ITGA5: variants seen among roughly 807,000 people sequenced by gnomAD.
The protein encoded by ITGA5 is integrin subunit alpha 5, also known as integrin alpha-5.
A neutral mutation model predicts 146.3 loss-of-function variants in ITGA5; 55 were observed. That is an observed-to-expected ratio of 0.38 (90% CI 0.30 to 0.47). ITGA5 has a LOEUF of 0.47. ITGA5 is among the 20% of genes least tolerant of loss of function. The probability of loss-of-function intolerance (pLI) is 0.99; values close to 1 mark genes in which losing one functional copy is unlikely to be tolerated. For synonymous variants in ITGA5, 500 were observed against 531.8 expected (o/e 0.94, Z 0.82); for missense variants, 1,131 against 1,329.0 (o/e 0.85, Z 2.32).
Position 54,405,910 on chromosome 12 carries a change from C to A in ITGA5, c.923G>T (p.Gly308Val). 2 of 1,613,942 alleles carry A rather than the reference C, an allele frequency of 1.2e-6. No homozygotes were observed. The highest frequency in any genetic ancestry group is 8.5e-7 in the Non-Finnish European group (1 of 1,179,904). ...GTTGTAGAGGGATCGAATGTCTGAG[C>A]CATTAAGGATGGTGACCTGGGAGAT... ...LTYGYVTILN[G>V]SDIRSLYNFS... The change falls in exon 10 of 30, where the codon GGC becomes GTC. Residue 308 changes from glycine to valine, a missense_variant. Physicochemically the swap from Gly to Val is moderately radical, Grantham distance 109 (BLOSUM62 -3). Transcript: ENST00000293379.
intron 1 of ITGA5, among the ~76,000 whole-genome samples, chr12:54,418,418 G>C (rs1386798125): frequency 6.6e-6 from 1 of 152,056 alleles, no homozygotes; most frequent in African/African-American, 2.4e-5. Flanking sequence ...GTCTTTCCCC[G>C]GTCTGAGTTG....
Position 54,408,792 on chromosome 12 carries a change from C to G in ITGA5, c.655G>C (p.Val219Leu). 1 of 1,612,184 alleles carries G rather than the reference C, an allele frequency of 6.2e-7. No individual in the cohort carries two copies. The highest frequency in any genetic ancestry group is 8.5e-7 in the Non-Finnish European group (1 of 1,179,202). ...TAGCTTCCTGGTCCACCTAAAACCA[C>G]ACGGCCAGTCTGTGGGTGAAAGGAG... ...FSAEFTKTGRVVLGGPGSYFW... is the reference protein window; with the variant it reads ...FSAEFTKTGRLVLGGPGSYFW... Residue 219 changes from valine (V) to leucine (L), a missense_variant, in exon 6 of 30, where the codon GTG (valine) becomes CTG (leucine). Val to Leu is a conservative substitution (Grantham distance 32, BLOSUM62 1). Transcript: ENST00000293379.
chr12:54,418,829 C>T, intron 1 of ITGA5, 152 bp downstream of exon 1: 1 of 934,860 alleles, frequency 1.1e-6, no homozygotes. Flanking sequence ...CAGCGCGGGC[C>T]CCCAACTCTA....
chr12:54,400,895 G>A lies in ITGA5; in HGVS notation c.2594C>T (p.Thr865Met), dbSNP rs138321035. 101 of 1,614,072 alleles carry A rather than the reference G, an allele frequency of 6.3e-5. No individual in the cohort carries two copies. Among genetic ancestry groups the A allele is most frequent in the African/African-American group, 4.8e-4 (36 of 75,014 alleles). The part of the protein sequence containing the change: ...GQQLLYVTRV[T>M]GLNCTTNHPI... ...GTGATTGGTGGTGCAGTTGAGTCCCGTAACTCTGGTCACATATAGGAGCTG... is the reference window on the plus strand; with the variant it reads ...GTGATTGGTGGTGCAGTTGAGTCCCATAACTCTGGTCACATATAGGAGCTG... The change falls in exon 25 of 30, where the codon ACG (threonine) becomes ATG (methionine). Residue 865 changes from threonine to methionine, a missense_variant. Transcript: ENST00000293379.
At chr12:54,408,631 C>T (rs1955898585) in intron 6 of ITGA5, 125 bp downstream of exon 6, 14 of 853,958 alleles carry the variant, frequency 1.6e-5, no homozygotes, top group Non-Finnish European at 2.1e-5. Flanking sequence ...GAGGCTGAGG[C>T]AGGAGAATCG....
At chr12:54,411,784 C>G in intron 2 of ITGA5, 50 bp downstream of exon 2, 2 of 1,421,298 alleles carry the variant, frequency 1.4e-6, no homozygotes, top group Non-Finnish European at 1.9e-6. Context: ...GGCCTTGCCC[C>G]CAGGCTGCAG....
chr12:54,407,998 A>G (rs1256013544), intron 7 of ITGA5, 112 bp downstream of exon 7: 3 of 1,530,084 alleles, frequency 2.0e-6, no homozygotes, highest in African/African-American at 2.7e-5. Context: ...CATGACAAGT[A>G]TGGCAGGGGT....
intron 7 of ITGA5, 38 bp from the exon 8 acceptor site, chr12:54,407,914 T>C (rs1206556240): frequency 1.3e-6 from 2 of 1,556,322 alleles, no homozygotes; most frequent in African/African-American, 1.4e-5. Context: ...GATTCCTGCT[T>C]TGAGGACCCC....
Position 54,405,420 on chromosome 12 carries a change from A to T in ITGA5, c.1017-46T>A, listed in dbSNP as rs1468887210. ...AGGCATCTCGATACCCTGTCTTGCC[A>T]CCCCACCCCAATCCTAGTGCTAGAA... On this transcript the variant is annotated intron_variant, in intron 11 of 29. Coordinates refer to ENST00000293379, the MANE Select transcript of ITGA5 (RefSeq NM_002205.5). The T allele has an allele frequency of 2.8e-6, 4 of 1,440,292 alleles. No homozygotes were observed. In the South Asian group the frequency reaches 5.0e-5, roughly 18 times the overall value. 89.2% of individuals were successfully genotyped at this position (1,440,292 alleles called of 1,614,324 possible).
chr12:54,411,574 C>T (rs962218538), intron 2 of ITGA5, among the ~76,000 whole-genome samples: 4 of 152,166 alleles, frequency 2.6e-5, no homozygotes, highest in Non-Finnish European at 5.9e-5. Context: ...CCCTGGCCTC[C>T]CAGAATTGTG....
At chr12:54,410,575 G>T (rs1007678300) in intron 2 of ITGA5, among the ~76,000 whole-genome samples, 2 of 150,576 alleles carry the variant, frequency 1.3e-5, no homozygotes, top group African/African-American at 4.9e-5. Context: ...TTTAAACAGG[G>T]TCTTGCTCTG....
At position 54,402,008 on chromosome 12, in the gene ITGA5, C is replaced by T; in HGVS notation, c.2219G>A (p.Gly740Glu). ...CTTTCATCCCAAACTTACACTGGCTCCTGCCTTCATGGGGTTGCCCAGGTC... is the reference window on the plus strand; with the variant it reads ...CTTTCATCCCAAACTTACACTGGCTTCTGCCTTCATGGGGTTGCCCAGGTC... The part of the protein sequence containing the change: ...VCDLGNPMKA[G>E]ASLWGGLRFT... Residue 740 changes from glycine (G) to glutamate (E), a missense_variant, in exon 21 of 30, where the codon GGA becomes GAA. By Grantham distance (98) the Gly-to-Glu change is moderately conservative (BLOSUM62 -2). Transcript: ENST00000293379. The T allele has an allele frequency of 6.2e-7, 1 of 1,614,164 alleles. No homozygotes were observed. The highest frequency in any genetic ancestry group is 1.1e-5 in the South Asian group (1 of 91,082).
At position 54,405,271 on chromosome 12, in the gene ITGA5, C is replaced by T. The variant is rs377645220; in HGVS notation, c.1120G>A (p.Gly374Ser). 32 of 1,613,816 alleles carry T rather than the reference C, an allele frequency of 2.0e-5. No individual in the cohort carries two copies. The highest frequency in any genetic ancestry group is 1.7e-4 in the African/African-American group (13 of 74,922). ...RVYVYLQHPA[G>S]IEPTPTLTLT... ...GTAAGGGTGGGCGTGGGCTCTATGCCGGCTGGGTGCTGCAGGTAGACGTAG... is the reference window on the plus strand; with the variant it reads ...GTAAGGGTGGGCGTGGGCTCTATGCTGGCTGGGTGCTGCAGGTAGACGTAG... Residue 374 changes from glycine (G) to serine (S), a missense_variant, in exon 12 of 30, where the codon GGC becomes AGC. By Grantham distance (56) the Gly-to-Ser change is moderately conservative. Coordinates refer to ENST00000293379, the MANE Select transcript of ITGA5 (RefSeq NM_002205.5).
intron 9 of ITGA5, chr12:54,406,245 T>C (rs1955865075): frequency 2.3e-6 from 1 of 430,092 alleles, no homozygotes; most frequent in African/African-American, 2.0e-5. Flanking sequence ...TGCTTTCTCC[T>C]CAGAACCTAA....
intron 2 of ITGA5, among the ~76,000 whole-genome samples, chr12:54,411,561 C>T (rs984896871): frequency 1.3e-5 from 2 of 152,242 alleles, no homozygotes; most frequent in African/African-American, 2.4e-5. Flanking sequence ...GTCTGTGTTA[C>T]GGCCCTGGCC....
At chr12:54,397,538 C>G in intron 28 of ITGA5, 51 bp from the exon 29 acceptor site, 1 of 1,606,362 alleles carries the variant, frequency 6.2e-7, no homozygotes, top group South Asian at 1.1e-5. Flanking sequence ...TTCTTTCTAC[C>G]CTATACTTGG....
rs1313107370 is a variant in ITGA5 at position 54,403,073 on chromosome 12, G to A, written c.1915-23C>T. 4 of 1,613,874 alleles carry A rather than the reference G, an allele frequency of 2.5e-6. No individual in the cohort carries two copies. Among genetic ancestry groups the A allele is most frequent in the Non-Finnish European group, 3.4e-6 (4 of 1,179,894 alleles). ...AGCCTGGGGAGCAGGGCAGCCTTGA[G>A]AGGGGAAGTTTAGACCCATTCCTGG... On this transcript the variant is annotated intron_variant, in intron 18 of 29. Coordinates refer to ENST00000293379, the MANE Select transcript of ITGA5 (RefSeq NM_002205.5). This position sits in a 1 kb window ranked among gnomAD's most constrained non-coding sequence, Gnocchi z 4.9.
At chr12:54,417,822 C>T (rs989831647) in intron 1 of ITGA5, among the ~76,000 whole-genome samples, 2 of 152,140 alleles carry the variant, frequency 1.3e-5, no homozygotes, top group Non-Finnish European at 2.9e-5. Flanking sequence ...AATCTGGCAT[C>T]TATGGCCTAG....
Position 54,401,941 on chromosome 12 carries a change from C to T in ITGA5, c.2226+60G>A. 1.3e-6 allele frequency: 2 copies of T among 1,599,660 alleles called. No individual in the cohort carries two copies. Among genetic ancestry groups the T allele is most frequent in the Non-Finnish European group, 1.7e-6 (2 of 1,167,146 alleles). ...ACCTCACAGCTGTGCTCTCGGCTGG[C>T]TGGTTACCGCCCTCAGGTCTGCTCT... is the stretch of plus-strand genomic sequence containing the variant. On this transcript the variant is annotated intron_variant, in intron 21 of 29. Transcript: ENST00000293379. This position sits in a 1 kb window ranked among gnomAD's most constrained non-coding sequence, Gnocchi z 5.0.
Sources: allele counts gnomAD v4.1 joint callset (sites outside exome capture counted in the v4.1 genomes callset), GRCh38; gene constraint gnomAD v4.1.1; non-coding constraint Gnocchi (gnomAD v3.1); transcripts MANE v1.5; gene names NCBI Gene and HGNC (gene_info 2026-07-23, HGNC 2026-07-21).